CBLN2: variants seen among roughly 807,000 people sequenced by gnomAD.
CBLN2 encodes the protein cerebellin-2.
A neutral mutation model predicts 15.0 loss-of-function variants in CBLN2; 7 were observed. The ratio of observed to expected loss-of-function variants is 0.47; its 90% CI spans 0.27 to 0.88. CBLN2 has a LOEUF of 0.88. CBLN2 is among the 40% of genes least tolerant of loss of function. The probability of loss-of-function intolerance (pLI) is 0.14; values close to 1 mark genes in which losing one functional copy is unlikely to be tolerated. For synonymous variants in CBLN2, 149 were observed against 135.2 expected, an observed-to-expected ratio of 1.10 and a Z score of -0.71; for missense variants, 242 against 304.5, an observed-to-expected ratio of 0.79 and a Z score of 1.53.
At chr18:72,575,990 T>A (rs768600854) in intron 1 of CBLN2, among the ~76,000 whole-genome samples, 2 of 152,172 alleles carry the variant, frequency 1.3e-5, no homozygotes, top group Non-Finnish European at 2.9e-5. Context: ...AATCCTTCCA[T>A]TTTGTAAGCT....
chr18:72,553,817 A>G (rs1036260053), intron 1 of CBLN2, among the ~76,000 whole-genome samples: 1 of 152,204 alleles, frequency 6.6e-6, no homozygotes, highest in Admixed American at 6.5e-5. Context: ...AGTGACAAAA[A>G]TCATCAGACT....
At chr18:72,546,940 AT>A (rs1380501581), upstream of CBLN2, among the ~76,000 whole-genome samples, 2 of 152,114 alleles carry the variant, frequency 1.3e-5, no homozygotes, top group African/African-American at 4.8e-5. Flanking sequence ...TGCATTATAG[AT>A]TTGCTGTTGG....
In CBLN2 at chr18:72,543,119, T is replaced by G; in HGVS notation, c.-167+367A>C. 1.1e-5 allele frequency: 2 copies of G among 190,234 alleles called. No individual in the cohort carries two copies. Among genetic ancestry groups the G allele is most frequent in the Non-Finnish European group, 1.1e-5 (1 of 92,934 alleles). 11.8% of individuals were successfully genotyped at this position (190,234 alleles called of 1,614,324 possible). Reference sequence around the variant, plus strand: ...AGCTCTGGTTTCCAGACCACGGGGATTCTCTCTTTCTCAGCGGGGCGGCAG... The same window carrying G: ...AGCTCTGGTTTCCAGACCACGGGGAGTCTCTCTTTCTCAGCGGGGCGGCAG... On this transcript the variant is annotated intron_variant, in intron 2 of 4. Coordinates refer to ENST00000269503, the MANE Select transcript of CBLN2 (RefSeq NM_182511.4). This position sits in a 1 kb window ranked among gnomAD's most constrained non-coding sequence, Gnocchi z 6.8.
intron 1 of CBLN2, among the ~76,000 whole-genome samples, chr18:72,587,657 T>C (rs2069452791): frequency 6.6e-6 from 1 of 152,180 alleles, no homozygotes; most frequent in Non-Finnish European, 1.5e-5. Flanking sequence ...ACAATGATCA[T>C]TACATTTGAA....
At chr18:72,556,130 CATA>C (rs2069225710) in intron 1 of CBLN2, among the ~76,000 whole-genome samples, 2 of 152,140 alleles carry the variant, frequency 1.3e-5, no homozygotes, top group African/African-American at 4.8e-5. Flanking sequence ...AAGTTGTTTT[CATA>C]ATGAGTTGTT....
In CBLN2 at chr18:72,566,427, A is replaced by G. The variant is rs181218904; in HGVS notation, c.16-27655T>C. 2.8e-3 allele frequency among the ~76,000 whole-genome samples: 421 copies of G among 152,348 alleles called. 2 individuals are homozygous for G. The highest frequency in any genetic ancestry group is 9.6e-3 in the African/African-American group (399 of 41,584). On this transcript the variant is annotated intron_variant, in intron 1 of 2. Transcript: ENST00000581073. Reference sequence around the variant, plus strand: ...AGAGAATCAACTTAAGTGTCCATCAACAGATAAATAGATAAGGAAAATGTG... The same window carrying G: ...AGAGAATCAACTTAAGTGTCCATCAGCAGATAAATAGATAAGGAAAATGTG...
intron 1 of CBLN2, among the ~76,000 whole-genome samples, chr18:72,570,826 G>A (rs944489467): frequency 7.9e-5 from 12 of 152,048 alleles, no homozygotes; most frequent in Non-Finnish European, 2.9e-5. Context: ...GCTGAGATTG[G>A]CTACTAACTT....
chr18:72,567,260 TAAG>T (rs2069301199), intron 1 of CBLN2, among the ~76,000 whole-genome samples: 1 of 152,150 alleles, frequency 6.6e-6, no homozygotes, highest in South Asian at 2.1e-4. Context: ...AAAATAATAA[TAAG>T]AAGAACTAAA....
upstream of CBLN2, among the ~76,000 whole-genome samples, chr18:72,544,973 CTAATAATAATAATAA>C (rs3841257): frequency 1.4e-5 from 2 of 147,240 alleles, no homozygotes; most frequent in Non-Finnish European, 3.0e-5. Context: ...TTCTGATAGG[CTAATAATAATAATAA>C]TAATAATAAT....
chr18:72,551,526 G>C (rs1202703258), intron 1 of CBLN2, among the ~76,000 whole-genome samples: 6 of 152,146 alleles, frequency 3.9e-5, no homozygotes, highest in Non-Finnish European at 8.8e-5. Context: ...GTGTCACTAA[G>C]TCTTCAGAAA....
intron 1 of CBLN2, among the ~76,000 whole-genome samples, chr18:72,601,262 G>C (rs1026727485): frequency 6.6e-6 from 1 of 152,164 alleles, no homozygotes; most frequent in Non-Finnish European, 1.5e-5. Flanking sequence ...GGACAGCTTG[G>C]AGGTCAGAAG....
chr18:72,546,444 A>C (rs1426071485), upstream of CBLN2, among the ~76,000 whole-genome samples: 3 of 151,618 alleles, frequency 2.0e-5, no homozygotes, highest in Non-Finnish European at 4.4e-5. Context: ...TCTCTCTCAA[A>C]AAAAAAAAAA....
chr18:72,599,082 G>T (rs1031629997), intron 1 of CBLN2, among the ~76,000 whole-genome samples: 1 of 152,104 alleles, frequency 6.6e-6, no homozygotes, highest in Non-Finnish European at 1.5e-5. Flanking sequence ...ATTCATTTTG[G>T]TGCTCCTGTT....
chr18:72,569,172 A>G (rs1416905105), intron 1 of CBLN2, among the ~76,000 whole-genome samples: 1 of 152,194 alleles, frequency 6.6e-6, no homozygotes, highest in African/African-American at 2.4e-5. Flanking sequence ...CCAGCATGCC[A>G]CTAGTGATAC....
chr18:72,624,501 G>T (rs2069722031), intron 1 of CBLN2, among the ~76,000 whole-genome samples: 1 of 152,018 alleles, frequency 6.6e-6, no homozygotes, highest in Admixed American at 6.6e-5. Flanking sequence ...TTATCTAGGG[G>T]TGGTGGCACA....
chr18:72,559,010 G>A (rs2069243751), intron 1 of CBLN2, among the ~76,000 whole-genome samples: 1 of 152,196 alleles, frequency 6.6e-6, no homozygotes, highest in South Asian at 2.1e-4. Flanking sequence ...AGCTGTGATA[G>A]TACCATTACA....
chr18:72,539,700 G>A (rs1311261034), intron 3 of CBLN2: 1 of 151,878 alleles, frequency 6.6e-6, no homozygotes, highest in Non-Finnish European at 1.5e-5. Flanking sequence ...CGGGACCCCC[G>A]TGATGACCCA....
chr18:72,613,855 C>A (rs2144957534), intron 1 of CBLN2, among the ~76,000 whole-genome samples: 1 of 152,304 alleles, frequency 6.6e-6, no homozygotes, highest in East Asian at 1.9e-4. Context: ...TTCCTGTACA[C>A]CGTTGCCTTT....
At chr18:72,615,168 AAT>A (rs2069650164) in intron 1 of CBLN2, among the ~76,000 whole-genome samples, 1 of 129,940 alleles carries the variant, frequency 7.7e-6, no homozygotes, top group South Asian at 2.3e-4. Flanking sequence ...AATATATATA[AAT>A]ATATATTTAT....
Sources: gnomAD v4.1 joint callset for allele counts (sites outside exome capture counted in the v4.1 genomes callset) on GRCh38, gnomAD v4.1.1 for gene constraint, Gnocchi (gnomAD v3.1) non-coding constraint, MANE v1.5 for transcripts, NCBI Gene and HGNC (gene_info 2026-07-23, HGNC 2026-07-21) for gene names.